The following TMEM132B variants were observed in gnomAD, a reference collection of about 807,000 sequenced individuals.
The protein encoded by TMEM132B is transmembrane protein 132B.
TMEM132B carries 18 observed loss-of-function variants against 90.8 expected under a neutral mutation model. The ratio of observed to expected loss-of-function variants is 0.20; its 90% CI spans 0.14 to 0.29. The LOEUF is 0.29. TMEM132B is among the 10% of genes least tolerant of loss of function. TMEM132B has a pLI of 1.00. For synonymous variants in TMEM132B, 504 were observed against 523.3 expected (o/e 0.96, Z 0.50); for missense variants, 1,096 against 1,326.8 (o/e 0.83, Z 2.70).
intron 1 of TMEM132B, among the ~76,000 whole-genome samples, chr12:125,234,805 A>G (rs1038319115): frequency 3.3e-5 from 5 of 152,186 alleles, no homozygotes; most frequent in Admixed American, 2.0e-4. Flanking sequence ...CTGGGAGGCA[A>G]GGCTCTTCCT....
chr12:125,464,322 T>C (rs889215517), intron 3 of TMEM132B, among the ~76,000 whole-genome samples: 2 of 152,166 alleles, frequency 1.3e-5, no homozygotes, highest in Non-Finnish European at 2.9e-5. Flanking sequence ...ACATGTCTTC[T>C]TGGGGCAGGC....
Position 125,213,987 on chromosome 12 carries a change from A to G in TMEM132B, c.67+27121A>G, listed in dbSNP as rs1042126359. ...CAGGGCACATAAGTTTGGGGGATAG[A>G]GAGAACAATAGTACCCCTTCGTCAG... On this transcript the variant is annotated intron_variant, in intron 1 of 8. Transcript: ENST00000682704. This position sits in a 1 kb window ranked among gnomAD's most constrained non-coding sequence, Gnocchi z 4.2. Among the ~76,000 whole-genome samples the G allele has an allele frequency of 6.6e-6, 1 of 152,144 alleles. No homozygotes were observed. The highest frequency in any genetic ancestry group is 2.4e-5 in the African/African-American group (1 of 41,464).
At chr12:125,502,587 C>T (rs562496891) in intron 3 of TMEM132B, among the ~76,000 whole-genome samples, 56 of 152,270 alleles carry the variant, frequency 3.7e-4, no homozygotes, top group African/African-American at 1.3e-3. Flanking sequence ...GCAGTACTCT[C>T]GCGTGTTCAG....
Position 125,407,514 on chromosome 12 carries a change from CCTGT to C in TMEM132B, c.960-8007_960-8004del, listed in dbSNP as rs1474145984. 3.3e-5 allele frequency among the ~76,000 whole-genome samples: 5 copies of C among 152,194 alleles called. No homozygotes were observed. The highest frequency in any genetic ancestry group is 6.5e-5 in the Admixed American group (1 of 15,276). On this transcript the variant is annotated intron_variant, in intron 2 of 8. Transcript: ENST00000682704. The surrounding 1 kb of genome is among the most constrained non-coding windows in gnomAD (Gnocchi z 6.7). ...AGATGGAGAAGGTGTGACCCCGTGCCCTGTCTGTCTGTCCCTGCTGGGTAGAGGC... is the reference window on the plus strand; with the variant it reads ...AGATGGAGAAGGTGTGACCCCGTGCCCTGTCTGTCCCTGCTGGGTAGAGGC...
chr12:125,471,548 C>T (rs901763830), intron 3 of TMEM132B, among the ~76,000 whole-genome samples: 5 of 152,178 alleles, frequency 3.3e-5, no homozygotes, highest in Non-Finnish European at 7.3e-5. Flanking sequence ...ATTCAGACAT[C>T]CTGTCCCCAG....
intron 3 of TMEM132B, among the ~76,000 whole-genome samples, chr12:125,505,479 A>G (rs570335008): frequency 1.3e-5 from 2 of 152,166 alleles, no homozygotes; most frequent in East Asian, 3.9e-4. Flanking sequence ...AGGGTGGATC[A>G]CTTGAGGTCA....
At chr12:125,402,004 T>A (rs1240334456) in intron 2 of TMEM132B, among the ~76,000 whole-genome samples, 1 of 152,224 alleles carries the variant, frequency 6.6e-6, no homozygotes, top group Non-Finnish European at 1.5e-5. Context: ...ATTGCAGTTC[T>A]CATTTCATGT....
chr12:125,415,520 C>G lies in TMEM132B; in HGVS notation c.960-11C>G. On this transcript the variant is annotated splice_polypyrimidine_tract_variant and intron_variant, in intron 2 of 8. Coordinates refer to ENST00000682704, the MANE Select transcript of TMEM132B (RefSeq NM_001366854.1). This position sits in a 1 kb window ranked among gnomAD's most constrained non-coding sequence, Gnocchi z 5.3. ...TATTATATATAATATCATTGTTTTC[C>G]CACCCCACAGAATTAAGGCGGCAGC... 1 of 1,613,632 alleles carries G rather than the reference C, an allele frequency of 6.2e-7. No homozygotes were observed. Among genetic ancestry groups the G allele is most frequent in the Non-Finnish European group, 8.5e-7 (1 of 1,179,836 alleles).
At chr12:125,631,177 T>G (rs931787502) in intron 5 of TMEM132B, among the ~76,000 whole-genome samples, 1 of 152,148 alleles carries the variant, frequency 6.6e-6, no homozygotes, top group Non-Finnish European at 1.5e-5. Context: ...GGTTTTCTTA[T>G]GTTGTGTTTC....
intron 1 of TMEM132B, among the ~76,000 whole-genome samples, chr12:125,290,351 C>T (rs1233247584): frequency 6.6e-6 from 1 of 152,120 alleles, no homozygotes; most frequent in African/African-American, 2.4e-5. Flanking sequence ...TAATGAATAT[C>T]GTGCACCCAC....
intron 1 of TMEM132B, among the ~76,000 whole-genome samples, chr12:125,261,187 A>G (rs1874560031): frequency 6.6e-6 from 1 of 152,196 alleles, no homozygotes; most frequent in African/African-American, 2.4e-5. Context: ...ATCCTGTCTT[A>G]AATTCTGTGA....
chr12:125,575,058 A>G (rs1442150179), intron 4 of TMEM132B, among the ~76,000 whole-genome samples: 1 of 32,164 alleles, frequency 3.1e-5, no homozygotes, highest in East Asian at 1.5e-3. Flanking sequence ...ATTAGCTGTC[A>G]TATATATATA....
At chr12:125,265,537 A>G (rs953748168) in intron 1 of TMEM132B, among the ~76,000 whole-genome samples, 3 of 152,204 alleles carry the variant, frequency 2.0e-5, no homozygotes, top group South Asian at 2.1e-4. Flanking sequence ...GAGAGCAAGG[A>G]AAAAGGGAGA....
Position 125,350,166 on chromosome 12 carries a change from G to T in TMEM132B, c.782G>T (p.Arg261Leu). The change falls in exon 2 of 9, where the codon CGA (arginine) becomes CTA (leucine). Residue 261 changes from arginine to leucine, a missense_variant. By Grantham distance (102) the Arg-to-Leu change is moderately radical (BLOSUM62 -2). Coordinates refer to ENST00000682704, the MANE Select transcript of TMEM132B (RefSeq NM_001366854.1). ...LESPQQAFPARERIGSVVVYP... is the reference protein window; with the variant it reads ...LESPQQAFPALERIGSVVVYP... ...AGCCCCCAGCAAGCGTTTCCAGCCC[G>T]AGAGAGGATTGGGAGTGTGGTGGTC... 1 of 1,614,210 alleles carries T rather than the reference G, an allele frequency of 6.2e-7. No homozygotes were observed. Among genetic ancestry groups the T allele is most frequent in the Non-Finnish European group, 8.5e-7 (1 of 1,180,038 alleles).
At chr12:125,602,185 C>T (rs1430252890) in intron 5 of TMEM132B, among the ~76,000 whole-genome samples, 11 of 152,316 alleles carry the variant, frequency 7.2e-5, no homozygotes, top group African/African-American at 2.2e-4. Flanking sequence ...GGCTAATATC[C>T]CTGATGAACA....
At chr12:125,589,365 C>T (rs1885262967) in intron 5 of TMEM132B, among the ~76,000 whole-genome samples, 1 of 151,394 alleles carries the variant, frequency 6.6e-6, no homozygotes, top group Admixed American at 6.6e-5. Context: ...GCCTGTAGTC[C>T]CAGCTACTCG....
At chr12:125,633,908 G>C (rs956305948) in intron 5 of TMEM132B, among the ~76,000 whole-genome samples, 13 of 152,174 alleles carry the variant, frequency 8.5e-5, no homozygotes, top group African/African-American at 2.7e-4. Context: ...CTCATCCAAG[G>C]CTTGCTGTAA....
In TMEM132B at chr12:125,653,685, C is replaced by G. The variant is rs1886985759; in HGVS notation, c.2227C>G (p.Gln743Glu). 2.5e-6 allele frequency: 4 copies of G among 1,614,084 alleles called. No homozygotes were observed. Among genetic ancestry groups the G allele is most frequent in the African/African-American group, 1.3e-5 (1 of 75,008 alleles). Reference sequence around the variant, plus strand: ...ATTGGATGAAATGGTGGTGTCTGTCCAGGCAAACCTTGAGTCCAAATGGCC... The same window carrying G: ...ATTGGATGAAATGGTGGTGTCTGTCGAGGCAAACCTTGAGTCCAAATGGCC... ...SSLDEMVVSV[Q>E]ANLESKWPIV... The change falls in exon 9 of 9, where the codon CAG becomes GAG. Residue 743 changes from glutamine to glutamate, a missense_variant. By Grantham distance (29) the Gln-to-Glu change is conservative. Transcript: ENST00000682704.
At chr12:125,370,558 C>T (rs1033868985) in intron 2 of TMEM132B, among the ~76,000 whole-genome samples, 4 of 152,186 alleles carry the variant, frequency 2.6e-5, no homozygotes, top group African/African-American at 9.6e-5. Context: ...CCCTTCTCCC[C>T]CCATCAGGGT....
Sources: gnomAD v4.1 joint callset for allele counts (sites outside exome capture counted in the v4.1 genomes callset) on GRCh38, gnomAD v4.1.1 for gene constraint, Gnocchi (gnomAD v3.1) non-coding constraint, MANE v1.5 for transcripts, NCBI Gene and HGNC (gene_info 2026-07-23, HGNC 2026-07-21) for gene names.